Variants in DTWD2 observed in about 807,000 individuals in gnomAD.
DTWD2 encodes the protein tRNA-uridine aminocarboxypropyltransferase 2.
A neutral mutation model predicts 31.8 loss-of-function variants in DTWD2; 39 were observed. That is an observed-to-expected ratio of 1.22 (90% CI 0.95 to 1.60). The LOEUF (loss-of-function observed/expected upper bound fraction) is 1.60. Among genes scored for constraint, DTWD2 ranks in the 40% most tolerant of loss-of-function variants. DTWD2 has a pLI of 0.00. For synonymous variants in DTWD2, 180 were observed against 142.8 expected (o/e 1.26, Z -1.86); for missense variants, 515 against 381.5 (o/e 1.35, Z -2.92).
chr5:118,969,250 C>A (rs1198705309), intron 1 of DTWD2, among the ~76,000 whole-genome samples: 2 of 152,158 alleles, frequency 1.3e-5, no homozygotes, highest in African/African-American at 4.8e-5. Context: ...CCTTTCCAGC[C>A]TGCTGGCTCT....
In DTWD2 at chr5:118,987,142, T is replaced by C. The variant is rs1303140513; in HGVS notation, c.218+1152A>G. ...GAAACACTTTTCCTCCAGTATCCTATTGAGACCCCTCCAAACATTTTTAAA... is the reference window on the plus strand; with the variant it reads ...GAAACACTTTTCCTCCAGTATCCTACTGAGACCCCTCCAAACATTTTTAAA... On this transcript the variant is annotated intron_variant, in intron 1 of 5. Transcript: ENST00000510708. Among the ~76,000 whole-genome samples the C allele has an allele frequency of 2.0e-5, 3 of 152,302 alleles. No homozygotes were observed. The East Asian group carries it at 5.8e-4, about 29-fold the overall frequency.
At chr5:118,947,019 G>T (rs551331982) in intron 1 of DTWD2, among the ~76,000 whole-genome samples, 1 of 152,318 alleles carries the variant, frequency 6.6e-6, no homozygotes, top group African/African-American at 2.4e-5. Context: ...TGGTGAAACA[G>T]AAAATTTTCC....
chr5:118,855,620 C>G (rs1752115991), intron 4 of DTWD2, among the ~76,000 whole-genome samples: 1 of 152,050 alleles, frequency 6.6e-6, no homozygotes, highest in Admixed American at 6.6e-5. Context: ...TAGTGATTGG[C>G]AAGAATATCT....
chr5:118,935,916 C>G (rs544743073), intron 3 of DTWD2, among the ~76,000 whole-genome samples: 86 of 152,136 alleles, frequency 5.7e-4, no homozygotes, highest in Non-Finnish European at 1.0e-3. Flanking sequence ...TTGTGTAACA[C>G]TACATCTGAC....
At chr5:118,874,784 A>G (rs890928862) in intron 4 of DTWD2, among the ~76,000 whole-genome samples, 1 of 150,888 alleles carries the variant, frequency 6.6e-6, no homozygotes, top group Admixed American at 6.6e-5. Context: ...CTTGGAAAAC[A>G]TATTTCAGGA....
intron 4 of DTWD2, among the ~76,000 whole-genome samples, chr5:118,868,020 A>G (rs929449223): frequency 2.0e-5 from 3 of 152,210 alleles, no homozygotes; most frequent in African/African-American, 7.2e-5. Context: ...TGATTTCACA[A>G]CTTAAACTAT....
At chr5:118,908,897 G>A (rs1297920830) in intron 4 of DTWD2, among the ~76,000 whole-genome samples, 2 of 152,138 alleles carry the variant, frequency 1.3e-5, no homozygotes, top group Non-Finnish European at 2.9e-5. Context: ...ATCCACAAAC[G>A]AAAATAGCTC....
At chr5:118,946,325 C>A (rs1033390897) in intron 1 of DTWD2, among the ~76,000 whole-genome samples, 11 of 152,140 alleles carry the variant, frequency 7.2e-5, no homozygotes, top group Admixed American at 5.9e-4. Context: ...GATGGAAAGT[C>A]TTTCTGTGGT....
At chr5:118,871,413 C>G (rs1752502042) in intron 4 of DTWD2, among the ~76,000 whole-genome samples, 1 of 152,134 alleles carries the variant, frequency 6.6e-6, no homozygotes. Context: ...TTTTCCAGAT[C>G]CATCAGAGGA....
At chr5:118,892,586 T>C (rs1204528562) in intron 4 of DTWD2, among the ~76,000 whole-genome samples, 1 of 152,128 alleles carries the variant, frequency 6.6e-6, no homozygotes, top group Non-Finnish European at 1.5e-5. Context: ...ATATAAATTA[T>C]ACTTAAATTA....
At chr5:118,845,806 A>G (rs557868954) in intron 5 of DTWD2, among the ~76,000 whole-genome samples, 1 of 152,318 alleles carries the variant, frequency 6.6e-6, no homozygotes, top group South Asian at 2.1e-4. Flanking sequence ...TACACTCAGA[A>G]TGTATTTTGC....
At chr5:118,979,765 G>C (rs1052470232) in intron 1 of DTWD2, among the ~76,000 whole-genome samples, 2 of 152,196 alleles carry the variant, frequency 1.3e-5, no homozygotes, top group East Asian at 3.8e-4. Context: ...ACCAAACACC[G>C]CATGTTCTCA....
chr5:118,879,065 G>C (rs922170151), intron 4 of DTWD2, among the ~76,000 whole-genome samples: 19 of 152,298 alleles, frequency 1.2e-4, no homozygotes, highest in Non-Finnish European at 2.9e-5. Flanking sequence ...CAATCACTGT[G>C]AAAGGCAGTT....
chr5:118,960,068 G>A (rs1754673585), intron 1 of DTWD2, among the ~76,000 whole-genome samples: 1 of 152,142 alleles, frequency 6.6e-6, no homozygotes, highest in South Asian at 2.1e-4. Context: ...AAAAGCAACT[G>A]CAACAAAAAT....
intron 4 of DTWD2, among the ~76,000 whole-genome samples, chr5:118,848,794 A>AAAT (rs1476427481): frequency 6.6e-6 from 1 of 152,220 alleles, no homozygotes; most frequent in Non-Finnish European, 1.5e-5. Flanking sequence ...CCTATTTAAT[A>AAAT]AATGGTGTTG....
rs189685102 is a variant in DTWD2 at position 118,973,693 on chromosome 5, G to A, written c.218+14601C>T. 905 of 1,389,488 alleles carry A rather than the reference G, an allele frequency of 6.5e-4. 6 individuals are homozygous for A. The African/African-American group carries it at 0.01, about 16-fold the overall frequency. 86.1% of individuals were successfully genotyped at this position (1,389,488 alleles called of 1,614,324 possible). On this transcript the variant is annotated intron_variant, in intron 1 of 5. Coordinates refer to ENST00000510708, the MANE Select transcript of DTWD2 (RefSeq NM_173666.4). Reference sequence around the variant, plus strand: ...TGCTCGCCGCAGCCGCCTCCGCCACGCGCCTCCTCCGCCGCCGCGGACTCC... The same window carrying A: ...TGCTCGCCGCAGCCGCCTCCGCCACACGCCTCCTCCGCCGCCGCGGACTCC...
chr5:118,946,749 C>G (rs1425497328), intron 1 of DTWD2, among the ~76,000 whole-genome samples: 2 of 151,320 alleles, frequency 1.3e-5, no homozygotes, highest in African/African-American at 2.4e-5. Flanking sequence ...TAAAAACAAA[C>G]AAACAAAAAA....
At chr5:118,961,768 T>C (rs986919963) in intron 1 of DTWD2, among the ~76,000 whole-genome samples, 2 of 152,154 alleles carry the variant, frequency 1.3e-5, no homozygotes, top group Non-Finnish European at 2.9e-5. Flanking sequence ...ACTTGCTTTA[T>C]TGGGGGGGGC....
intron 4 of DTWD2, among the ~76,000 whole-genome samples, chr5:118,862,971 T>G (rs554534686): frequency 1.5e-4 from 23 of 152,176 alleles, no homozygotes; most frequent in Admixed American, 5.9e-4. Context: ...CTTTGGACAT[T>G]CTCATGTGAA....
Sources: allele counts gnomAD v4.1 joint callset (sites outside exome capture counted in the v4.1 genomes callset), GRCh38; gene constraint gnomAD v4.1.1; transcripts MANE v1.5; gene names NCBI Gene and HGNC (gene_info 2026-07-23, HGNC 2026-07-21).